Variants in ANO4 observed in about 807,000 individuals in gnomAD.
The protein encoded by ANO4 is anoctamin 4.
In ANO4, 69 loss-of-function variants were observed where a neutral mutation model predicts 141.9. That is an observed-to-expected ratio of 0.49 (90% CI 0.40 to 0.59). The LOEUF (loss-of-function observed/expected upper bound fraction) is 0.59, where lower values mean the gene tolerates loss of function less well. ANO4 is among the 20% of genes least tolerant of loss of function. The pLI is 0.00. For missense variants in ANO4, 894 were observed against 1,162.2 expected (o/e 0.77, Z 3.36); for synonymous variants, 350 against 394.3 (o/e 0.89, Z 1.33).
chr12:100,986,062 G>A (rs1375606476), intron 7 of ANO4, among the ~76,000 whole-genome samples: 2 of 152,092 alleles, frequency 1.3e-5, no homozygotes, highest in African/African-American at 4.8e-5. Flanking sequence ...AACCCATTGA[G>A]TGGAACTAGA....
At chr12:100,923,609 G>A (rs1284745321) in intron 3 of ANO4, among the ~76,000 whole-genome samples, 1 of 152,166 alleles carries the variant, frequency 6.6e-6, no homozygotes, top group Non-Finnish European at 1.5e-5. Flanking sequence ...GTGTGCATGT[G>A]TCTTTATAGT....
chr12:100,980,706 A>G (rs2044420682), intron 7 of ANO4, among the ~76,000 whole-genome samples: 1 of 152,222 alleles, frequency 6.6e-6, no homozygotes, highest in Non-Finnish European at 1.5e-5. Context: ...CTTTATTTTA[A>G]AAAATCACTT....
chr12:100,771,308 T>C (rs1308752041), intron 3 of ANO4, among the ~76,000 whole-genome samples: 1 of 152,108 alleles, frequency 6.6e-6, no homozygotes, highest in Admixed American at 6.5e-5. Context: ...CTCTACTGAC[T>C]CTTGCATAGA....
intron 3 of ANO4, among the ~76,000 whole-genome samples, chr12:100,923,756 G>C (rs1032423523): frequency 6.6e-6 from 1 of 152,114 alleles, no homozygotes. Flanking sequence ...CCCACCAACA[G>C]TGTAAAAGCA....
chr12:100,873,919 C>G (rs116028028), intron 1 of ANO4, among the ~76,000 whole-genome samples: 1 of 152,212 alleles, frequency 6.6e-6, no homozygotes, highest in Admixed American at 6.5e-5. Flanking sequence ...CCCAGGGCCC[C>G]GCTGACCTGC....
At chr12:101,071,365 C>T (rs1044442947) in intron 14 of ANO4, among the ~76,000 whole-genome samples, 1 of 151,702 alleles carries the variant, frequency 6.6e-6, no homozygotes, top group Non-Finnish European at 1.5e-5. Context: ...GAATGACATC[C>T]TGTCATTTAC....
At chr12:100,816,380 C>G (rs1360997537) in intron 1 of ANO4, among the ~76,000 whole-genome samples, 1 of 151,792 alleles carries the variant, frequency 6.6e-6, no homozygotes, top group Non-Finnish European at 1.5e-5. Flanking sequence ...GATGAGTGGT[C>G]CATTATCAGT....
intron 3 of ANO4, among the ~76,000 whole-genome samples, chr12:100,780,564 C>A (rs1396365469): frequency 1.3e-5 from 2 of 152,006 alleles, no homozygotes; most frequent in Non-Finnish European, 2.9e-5. Flanking sequence ...ACTGTCATGG[C>A]ACTGGTGGGA....
At chr12:100,846,790 C>T (rs930057893) in intron 1 of ANO4, among the ~76,000 whole-genome samples, 1 of 152,084 alleles carries the variant, frequency 6.6e-6, no homozygotes, top group Admixed American at 6.6e-5. Flanking sequence ...TCTTTGCCAA[C>T]CCATAATGAT....
At chr12:100,920,726 A>G (rs1216134543) in intron 2 of ANO4, among the ~76,000 whole-genome samples, 1 of 152,168 alleles carries the variant, frequency 6.6e-6, no homozygotes, top group Non-Finnish European at 1.5e-5. Context: ...AGTGACCGAA[A>G]TGCATACCTG....
chr12:101,122,439 T>G (rs2051135591), intron 26 of ANO4, among the ~76,000 whole-genome samples: 2 of 152,214 alleles, frequency 1.3e-5, no homozygotes, highest in African/African-American at 4.8e-5. Context: ...TTTTCAGGAC[T>G]TCACCATAAA....
Position 100,802,725 on chromosome 12 carries a change from G to A in ANO4, c.-141+7698G>A, listed in dbSNP as rs111333199. Among the ~76,000 whole-genome samples the A allele has an allele frequency of 6.1e-3, 928 of 152,214 alleles. 14 individuals carry two copies. Among genetic ancestry groups the A allele is most frequent in the African/African-American group, 0.021 (869 of 41,524 alleles). On this transcript the variant is annotated intron_variant, in intron 1 of 27. Transcript: ENST00000392977. ...TAACATTCTGGTCAGAGTGGGAGGG[G>A]GAGACAGAAAAACACATTAGCAAAT...
chr12:101,110,604 T>C lies in ANO4; in HGVS notation c.2302+48T>C, dbSNP rs763950985. On this transcript the variant is annotated intron_variant, in intron 23 of 27. Transcript: ENST00000392977. ...TTTAAAAAACATATTAAACATCTGG[T>C]GGATAAAATTTTAAAAGCCACAAAC... The C allele has an allele frequency of 1.9e-5, 27 of 1,427,352 alleles. No individual in the cohort carries two copies. The African/African-American group carries it at 3.8e-4, about 20-fold the overall frequency. The allele number at this position is 1,427,352 out of a possible 1,614,324, so 88.4% of individuals were successfully genotyped here. A position where few individuals can be genotyped will look rare whatever the true frequency, so the allele number is the denominator to read the frequency against.
chr12:101,079,342 A>C, intron 15 of ANO4, 67 bp downstream of exon 15: 3 of 1,313,058 alleles, frequency 2.3e-6, no homozygotes, highest in Non-Finnish European at 3.3e-6. Context: ...CCCCCCCCCA[A>C]AATTGTCACT....
intron 9 of ANO4, among the ~76,000 whole-genome samples, chr12:101,024,818 A>C (rs2046668418): frequency 1.3e-5 from 2 of 152,222 alleles, no homozygotes; most frequent in African/African-American, 4.8e-5. Context: ...TTGGATTTCA[A>C]ATGTTTTTCT....
At chr12:100,988,872 G>GAAAAAAAAA (rs748666892) in intron 8 of ANO4, among the ~76,000 whole-genome samples, 6,075 of 64,512 alleles carry the variant, frequency 0.094, 997 homozygotes, top group Non-Finnish European at 0.11. Context: ...CTCTGTCTCA[G>GAAAAAAAAA]AAAAAAAAAA....
intron 3 of ANO4, among the ~76,000 whole-genome samples, chr12:100,749,451 T>C (rs1334079673): frequency 2.0e-5 from 3 of 152,384 alleles, no homozygotes; most frequent in East Asian, 3.9e-4. Context: ...TCAAATTTCC[T>C]ATTTTCCTAA....
intron 1 of ANO4, among the ~76,000 whole-genome samples, chr12:100,797,660 A>G (rs529346170): frequency 1.5e-4 from 23 of 150,694 alleles, no homozygotes; most frequent in African/African-American, 5.6e-4. Flanking sequence ...TTTTTTTTTT[A>G]CACTCTTTAA....
At chr12:100,787,005 C>G (rs2033893788) in intron 3 of ANO4, among the ~76,000 whole-genome samples, 1 of 152,130 alleles carries the variant, frequency 6.6e-6, no homozygotes, top group South Asian at 2.1e-4. Context: ...CCTGAGGAAA[C>G]ATATAGTCTA....
Sources: allele counts gnomAD v4.1 joint callset (sites outside exome capture counted in the v4.1 genomes callset), GRCh38; gene constraint gnomAD v4.1.1; transcripts MANE v1.5; gene names NCBI Gene and HGNC (gene_info 2026-07-23, HGNC 2026-07-21).